EYS: variants seen among roughly 807,000 people sequenced by gnomAD.
EYS encodes protein eyes shut homolog.
Under a neutral mutation model 282.1 loss-of-function variants are expected in EYS, and 250 were observed. That is an observed-to-expected ratio of 0.89 (90% CI 0.80 to 0.98). The LOEUF (loss-of-function observed/expected upper bound fraction) is 0.98. Among genes scored for constraint, EYS ranks in the 50% least tolerant of loss-of-function variants. The probability of loss-of-function intolerance (pLI) is 0.00; values close to 1 mark genes in which losing one functional copy is unlikely to be tolerated. For missense variants in EYS, 4,016 were observed against 3,709.0 expected, an observed-to-expected ratio of 1.08 and a Z score of -2.15; for synonymous variants, 1,355 against 1,282.9, an observed-to-expected ratio of 1.06 and a Z score of -1.20.
intron 33 of EYS, among the ~76,000 whole-genome samples, chr6:64,025,570 C>T (rs1347033233): frequency 6.6e-6 from 1 of 152,080 alleles, no homozygotes; most frequent in African/African-American, 2.4e-5. Context: ...GTATAAACTC[C>T]AGGACTCTGT....
chr6:63,790,797 T>C (rs1009761917), intron 37 of EYS, among the ~76,000 whole-genome samples: 1 of 152,130 alleles, frequency 6.6e-6, no homozygotes, highest in Admixed American at 6.5e-5. Context: ...TGAATGGGAA[T>C]TTTTCTGAGA....
intron 26 of EYS, among the ~76,000 whole-genome samples, chr6:64,549,014 A>G (rs940652386): frequency 1.3e-5 from 2 of 152,154 alleles, no homozygotes; most frequent in Admixed American, 1.3e-4. Flanking sequence ...AAGCTATGGC[A>G]TGTTTGATTT....
intron 36 of EYS, among the ~76,000 whole-genome samples, chr6:63,850,569 C>G (rs1188733348): frequency 6.6e-6 from 1 of 152,132 alleles, no homozygotes; most frequent in African/African-American, 2.4e-5. Context: ...CATATCCAGT[C>G]AAACTAAGCT....
At chr6:64,669,251 T>C (rs1769351651) in intron 22 of EYS, among the ~76,000 whole-genome samples, 1 of 152,216 alleles carries the variant, frequency 6.6e-6, no homozygotes, top group African/African-American at 2.4e-5. Context: ...ACTTTACAGA[T>C]TAGTCTAAGA....
chr6:64,776,778 T>C (rs950819112), intron 22 of EYS, among the ~76,000 whole-genome samples: 1 of 152,128 alleles, frequency 6.6e-6, no homozygotes, highest in African/African-American at 2.4e-5. Context: ...TAGACTAAAA[T>C]AGTTGACACT....
intron 29 of EYS, among the ~76,000 whole-genome samples, chr6:64,330,206 A>G (rs1317561280): frequency 6.6e-6 from 1 of 152,178 alleles, no homozygotes; most frequent in Non-Finnish European, 1.5e-5. Flanking sequence ...AAAGGCACAA[A>G]TCTGTGGCCA....
intron 31 of EYS, among the ~76,000 whole-genome samples, chr6:64,151,160 T>C (rs1274594845): frequency 6.6e-6 from 1 of 151,294 alleles, no homozygotes. Flanking sequence ...GATGGATACA[T>C]ACATTATGGT....
At chr6:64,210,577 G>C (rs1260909555) in intron 31 of EYS, among the ~76,000 whole-genome samples, 1 of 151,982 alleles carries the variant, frequency 6.6e-6, no homozygotes, top group Admixed American at 6.6e-5. Context: ...TGAAGTACTG[G>C]GATTGAGTAT....
chr6:65,206,078 A>G (rs1485867064), intron 12 of EYS, among the ~76,000 whole-genome samples: 1 of 151,802 alleles, frequency 6.6e-6, no homozygotes, highest in Non-Finnish European at 1.5e-5. Context: ...AATGATACAA[A>G]AGATCAACAA....
At chr6:65,536,797 G>A (rs2127315670) in intron 2 of EYS, among the ~76,000 whole-genome samples, 1 of 152,156 alleles carries the variant, frequency 6.6e-6, no homozygotes, top group Middle Eastern at 3.4e-3. Flanking sequence ...ATGCTTGTGG[G>A]CAGAAAGACT....
chr6:64,176,130 G>A lies in EYS; in HGVS notation c.6424+54462C>T, dbSNP rs114545454. ...TTGCTGGCAAATCAGTAGGAAGCAA[G>A]TGTGGCAGGGTCCATATGGTCCAGT... On this transcript the variant is annotated intron_variant, in intron 31 of 42. Coordinates refer to ENST00000503581, the MANE Select transcript of EYS (RefSeq NM_001142800.2). 6.2e-3 allele frequency among the ~76,000 whole-genome samples: 949 copies of A among 152,164 alleles called. 8 individuals carry two copies. The highest frequency in any genetic ancestry group is 0.022 in the African/African-American group (908 of 41,506).
At chr6:64,706,018 CAAA>C (rs34675387) in intron 22 of EYS, among the ~76,000 whole-genome samples, 174 of 146,678 alleles carry the variant, frequency 1.2e-3, no homozygotes, top group Middle Eastern at 3.5e-3. Flanking sequence ...AAAAATTATT[CAAA>C]AAAAAAAAAG....
intron 13 of EYS, among the ~76,000 whole-genome samples, chr6:65,010,672 A>C (rs1771837761): frequency 6.6e-6 from 1 of 152,222 alleles, no homozygotes; most frequent in African/African-American, 2.4e-5. Context: ...TCACTGCAGG[A>C]ACTAGTGCTC....
At chr6:65,533,535 A>C (rs1767859921) in intron 2 of EYS, among the ~76,000 whole-genome samples, 1 of 152,156 alleles carries the variant, frequency 6.6e-6, no homozygotes, top group South Asian at 2.1e-4. Flanking sequence ...CAATAAAAAA[A>C]GAGAATTTTA....
At chr6:65,084,492 T>C (rs1056538847) in intron 12 of EYS, among the ~76,000 whole-genome samples, 1 of 152,152 alleles carries the variant, frequency 6.6e-6, no homozygotes, top group Non-Finnish European at 1.5e-5. Context: ...GTAGTGAAAT[T>C]TTATTCATTT....
intron 14 of EYS, among the ~76,000 whole-genome samples, chr6:64,970,000 T>C (rs1770233837): frequency 6.6e-6 from 1 of 152,136 alleles, no homozygotes. Flanking sequence ...AATAAGAATG[T>C]AATACAGTTG....
chr6:64,138,613 G>A (rs1474947272), intron 31 of EYS, among the ~76,000 whole-genome samples: 1 of 152,276 alleles, frequency 6.6e-6, no homozygotes, highest in Admixed American at 6.5e-5. Flanking sequence ...TAGGGCATTT[G>A]GGAGAGTGCT....
intron 11 of EYS, among the ~76,000 whole-genome samples, chr6:65,317,809 CCTTCCTTCCTTCCTTCCTTT>C (rs1769337447): frequency 2.2e-5 from 1 of 44,942 alleles, no homozygotes; most frequent in African/African-American, 1.1e-4. Context: ...TTCCTTCCTT[CCTTCCTTCCTTCCTTCCTTT>C]CTTTCTTTCT....
chr6:63,911,114 C>T (rs1266194477), intron 35 of EYS, among the ~76,000 whole-genome samples: 1 of 108,796 alleles, frequency 9.2e-6, no homozygotes. Flanking sequence ...AGGTTGAAGT[C>T]ATTGGTTAAA....
Sources: allele counts gnomAD v4.1 joint callset (sites outside exome capture counted in the v4.1 genomes callset), GRCh38; gene constraint gnomAD v4.1.1; transcripts MANE v1.5; gene names NCBI Gene and HGNC (gene_info 2026-07-23, HGNC 2026-07-21).